Variants in SMC2 observed in about 807,000 individuals in gnomAD.
SMC2 encodes structural maintenance of chromosomes protein 2.
Under a neutral mutation model 142.6 loss-of-function variants are expected in SMC2, and 41 were observed. That is an observed-to-expected ratio of 0.29 (90% CI 0.22 to 0.37). The LOEUF (loss-of-function observed/expected upper bound fraction) is 0.37. SMC2 is among the 10% of genes least tolerant of loss of function. SMC2 has a pLI of 1.00. For synonymous variants in SMC2, 463 were observed against 457.5 expected (o/e 1.01, Z -0.15); for missense variants, 1,265 against 1,373.7 (o/e 0.92, Z 1.25).
chr9:104,134,394 T>G, intron 22 of SMC2, 21 bp from the exon 23 acceptor site: 2 of 1,558,400 alleles, frequency 1.3e-6, no homozygotes, highest in Non-Finnish European at 1.7e-6. Flanking sequence ...ATGTTTTAAC[T>G]TTTTTATTTT....
At chr9:104,108,190 A>G (rs1717826488) in intron 9 of SMC2, among the ~76,000 whole-genome samples, 1 of 152,166 alleles carries the variant, frequency 6.6e-6, no homozygotes. Context: ...ACTTTTCCCT[A>G]GGAAAACTGG....
At chr9:104,133,829 G>C (rs1285352513) in intron 22 of SMC2, among the ~76,000 whole-genome samples, 1 of 152,058 alleles carries the variant, frequency 6.6e-6, no homozygotes, top group Non-Finnish European at 1.5e-5. Context: ...AGGAGATGAG[G>C]CATGTAGAAA....
At chr9:104,110,719 T>C (rs1832339240) in intron 9 of SMC2, among the ~76,000 whole-genome samples, 1 of 152,220 alleles carries the variant, frequency 6.6e-6, no homozygotes, top group Admixed American at 6.5e-5. Context: ...CATTCAAACA[T>C]GTTCCTCAGG....
intron 23 of SMC2, among the ~76,000 whole-genome samples, chr9:104,136,368 A>G (rs1404600777): frequency 6.6e-6 from 1 of 152,060 alleles, no homozygotes; most frequent in Non-Finnish European, 1.5e-5. Flanking sequence ...AGAATCAAAA[A>G]TACAGCTCCT....
In SMC2 at chr9:104,126,691, A is replaced by G. The variant is rs1834330073; in HGVS notation, c.2502A>G (p.Thr834=). Residue 834 remains threonine, a synonymous_variant, in exon 19 of 25, where the codon ACA becomes ACG. Transcript: ENST00000374793. ...LELEELKREH[T]SYKQQLEAVN... The stretch of plus-strand genomic sequence containing the variant: ...TGGAAGAGCTCAAGAGAGAGCATAC[A>G]TCTTACAAACAACAGCTTGAAGCTG... 1 of 1,612,948 alleles carries G rather than the reference A, an allele frequency of 6.2e-7. No homozygotes were observed. The highest frequency in any genetic ancestry group is 8.5e-7 in the Non-Finnish European group (1 of 1,179,634).
Position 104,134,548 on chromosome 9 carries a change from A to G in SMC2, c.3242A>G (p.Asn1081Ser). Residue 1081 changes from asparagine to serine, a missense_variant, in exon 23 of 25, where the codon AAC (asparagine) becomes AGC (serine). Coordinates refer to ENST00000374793, the MANE Select transcript of SMC2 (RefSeq NM_006444.3). The part of the protein sequence containing the change: ...KVALGNTWKE[N>S]LTELSGGQRS... The stretch of plus-strand genomic sequence containing the variant: ...GCCTTGGGAAATACCTGGAAAGAAA[A>G]CCTAACTGAACTTAGTGGTGGTCAG... 1 of 1,609,712 alleles carries G rather than the reference A, an allele frequency of 6.2e-7. No individual in the cohort carries two copies. The highest frequency in any genetic ancestry group is 8.5e-7 in the Non-Finnish European group (1 of 1,177,788).
intron 24 of SMC2, among the ~76,000 whole-genome samples, chr9:104,138,430 G>T (rs1046542570): frequency 7.9e-5 from 12 of 152,142 alleles, no homozygotes; most frequent in Non-Finnish European, 1.8e-4. Context: ...ATTGATTTAG[G>T]GTTAATATAA....
chr9:104,098,619 T>C, intron 4 of SMC2, 51 bp downstream of exon 4: 1 of 1,546,408 alleles, frequency 6.5e-7, no homozygotes, highest in Non-Finnish European at 8.7e-7. Flanking sequence ...TCGACATTTT[T>C]TACTTTTAAG....
chr9:104,116,625 C>T (rs10991112), intron 14 of SMC2, among the ~76,000 whole-genome samples: 55,724 of 151,946 alleles, frequency 0.37, 10,588 homozygotes, highest in Middle Eastern at 0.43. Context: ...CTTCTAGATA[C>T]GTACCCCAAA....
intron 16 of SMC2, 50 bp downstream of exon 16, chr9:104,120,212 T>C (rs1447429867): frequency 2.0e-6 from 3 of 1,470,412 alleles, no homozygotes; most frequent in Non-Finnish European, 2.7e-6. Flanking sequence ...TAGTAGAAAA[T>C]GATAGAAAAT....
intron 16 of SMC2, among the ~76,000 whole-genome samples, chr9:104,121,810 A>G (rs1833772444): frequency 6.6e-6 from 1 of 152,018 alleles, no homozygotes; most frequent in African/African-American, 2.4e-5. Context: ...TTTGAGACGG[A>G]GTCTCACTCG....
At position 104,140,365 on chromosome 9, in the gene SMC2, A is replaced by G. The variant is rs561485329; in HGVS notation, c.*1050A>G. ...CGAACACCATGAGAATACTGTCTACAGTTTTTGGTACGTCATCACTAGAAC... is the reference window on the plus strand; with the variant it reads ...CGAACACCATGAGAATACTGTCTACGGTTTTTGGTACGTCATCACTAGAAC... On this transcript the variant is annotated 3_prime_UTR_variant, in exon 25 of 25. Coordinates refer to ENST00000374793, the MANE Select transcript of SMC2 (RefSeq NM_006444.3). 15 of 152,254 alleles carry G rather than the reference A, an allele frequency of 9.9e-5. No individual in the cohort carries two copies. Among genetic ancestry groups the G allele is most frequent in the African/African-American group, 2.9e-4 (12 of 41,562 alleles). The allele number at this position is 152,254 out of a possible 1,614,324, so 9.4% of individuals were successfully genotyped here. A position where few individuals can be genotyped will look rare whatever the true frequency, so the allele number is the denominator to read the frequency against.
At chr9:104,093,065 C>T (rs1830066284), upstream of SMC2, 1 of 152,182 alleles carries the variant, frequency 6.6e-6, no homozygotes, top group Admixed American at 6.5e-5. Flanking sequence ...CTGTGACATT[C>T]CAGCCTTCAG....
chr9:104,135,352 G>T (rs1161725421), intron 23 of SMC2, among the ~76,000 whole-genome samples: 1 of 152,120 alleles, frequency 6.6e-6, no homozygotes, highest in Non-Finnish European at 1.5e-5. Flanking sequence ...ATGAGATACT[G>T]TAAAAGAAAA....
upstream of SMC2, chr9:104,092,563 G>A (rs1207652735): frequency 6.6e-6 from 1 of 152,186 alleles, no homozygotes; most frequent in Non-Finnish European, 1.5e-5. Context: ...GAATAGCTGT[G>A]GAGCCCAGGG....
intron 18 of SMC2, among the ~76,000 whole-genome samples, chr9:104,126,373 A>ATAGGAATAATGTTATATTG (rs1834281898): frequency 1.3e-5 from 2 of 152,194 alleles, no homozygotes; most frequent in African/African-American, 4.8e-5. Context: ...ATGTTATATT[A>ATAGGAATAATGTTATATTG]TTTTCCCTAT....
At chr9:104,114,649 T>C in intron 12 of SMC2, 42 bp from the exon 13 acceptor site, 1 of 1,549,154 alleles carries the variant, frequency 6.5e-7, no homozygotes, top group Non-Finnish European at 8.8e-7. Context: ...CTTTTTCTAC[T>C]TTATTATCTA....
intron 9 of SMC2, among the ~76,000 whole-genome samples, chr9:104,108,290 C>T (rs1347650293): frequency 6.6e-6 from 1 of 152,162 alleles, no homozygotes; most frequent in Non-Finnish European, 1.5e-5. Flanking sequence ...ATAGGGCCAT[C>T]TCTGGTGGGG....
chr9:104,121,458 T>A (rs1833729184), intron 16 of SMC2, among the ~76,000 whole-genome samples: 1 of 152,068 alleles, frequency 6.6e-6, no homozygotes. Context: ...ATTGTGCCAC[T>A]GCACTCTCTC....
Sources: gnomAD v4.1 joint callset for allele counts (sites outside exome capture counted in the v4.1 genomes callset) on GRCh38, gnomAD v4.1.1 for gene constraint, MANE v1.5 for transcripts, NCBI Gene and HGNC (gene_info 2026-07-23, HGNC 2026-07-21) for gene names.